The following POMT1 variants were observed in gnomAD, a reference collection of about 807,000 sequenced individuals.
POMT1 encodes protein O-mannosyl-transferase 1.
POMT1 carries 85 observed loss-of-function variants against 101.6 expected under a neutral mutation model. The ratio of observed to expected loss-of-function variants is 0.84; its 90% CI spans 0.70 to 1.00. The LOEUF (loss-of-function observed/expected upper bound fraction) is 1.00, where lower values mean the gene tolerates loss of function less well. POMT1 is among the 50% of genes least tolerant of loss of function. POMT1 has a pLI of 0.00. For missense variants in POMT1, 857 were observed against 930.4 expected, an observed-to-expected ratio of 0.92 and a Z score of 1.03; for synonymous variants, 371 against 383.0, an observed-to-expected ratio of 0.97 and a Z score of 0.37.
In POMT1 at chr9:131,518,901, C is replaced by T; in HGVS notation, c.1430C>T (p.Ser477Phe). ...CTGGAGATCGTCGGGGAGAAGCTGT[C>T]CCGGGGCTACCACGGGAGCACGGTG... The part of the protein sequence containing the change: ...RQLEIVGEKL[S>F]RGYHGSTVWN... Residue 477 changes from serine (S) to phenylalanine (F), a missense_variant, in exon 15 of 20, where the codon TCC becomes TTC. Coordinates refer to ENST00000402686, the MANE Select transcript of POMT1 (RefSeq NM_001077365.2). 1 of 1,613,864 alleles carries T rather than the reference C, an allele frequency of 6.2e-7. No homozygotes were observed. Among genetic ancestry groups the T allele is most frequent in the Non-Finnish European group, 8.5e-7 (1 of 1,180,042 alleles).
At position 131,504,247 on chromosome 9, in the gene POMT1, T is replaced by C. The variant is rs1945225899; in HGVS notation, c.29T>C (p.Val10Ala). ...TGGGGATTTTTGAAGCGCCCTGTAG[T>C]GGTGACGGCTGACATCAACTTGAGC... is the stretch of plus-strand genomic sequence containing the variant. MWGFLKRPV[V>A]VTADINLSLV... Residue 10 changes from valine (V) to alanine (A), a missense_variant, in exon 2 of 20, where the codon GTG becomes GCG. Coordinates refer to ENST00000402686, the MANE Select transcript of POMT1 (RefSeq NM_001077365.2). The C allele has an allele frequency of 6.2e-7, 1 of 1,613,988 alleles. No individual in the cohort carries two copies. The highest frequency in any genetic ancestry group is 8.5e-7 in the Non-Finnish European group (1 of 1,180,018).
At position 131,522,592 on chromosome 9, in the gene POMT1, G is replaced by A; in HGVS notation, c.2004-340G>A. The A allele has an allele frequency of 1.9e-6, 1 of 525,376 alleles. No homozygotes were observed. The highest frequency in any genetic ancestry group is 3.4e-6 in the Non-Finnish European group (1 of 290,460). 32.5% of individuals were successfully genotyped at this position (525,376 alleles called of 1,614,324 possible). A position where few individuals can be genotyped will look rare whatever the true frequency, so the allele number is the denominator to read the frequency against. ...GGTGTGGTGGAGAGAACCCAAGAAAGCTTCTAAACCAGAGTGTGTTTGGAG... is the reference window on the plus strand; with the variant it reads ...GGTGTGGTGGAGAGAACCCAAGAAAACTTCTAAACCAGAGTGTGTTTGGAG... On this transcript the variant is annotated intron_variant, in intron 19 of 19. Coordinates refer to ENST00000402686, the MANE Select transcript of POMT1 (RefSeq NM_001077365.2). This position sits in a 1 kb window ranked among gnomAD's most constrained non-coding sequence, Gnocchi z 5.5.
At chr9:131,506,677 A>G (rs1465310978) in intron 4 of POMT1, 1 of 579,990 alleles carries the variant, frequency 1.7e-6, no homozygotes, top group African/African-American at 1.9e-5. Flanking sequence ...TGCAGTCATT[A>G]TTTCAGCCCT....
intron 18 of POMT1, 70 bp downstream of exon 18, chr9:131,521,542 G>A: frequency 6.4e-7 from 1 of 1,554,316 alleles, no homozygotes; most frequent in Non-Finnish European, 8.9e-7. Context: ...GTTGTCCAGG[G>A]TGTTCTTGAA....
chr9:131,523,255 A>G lies in POMT1; in HGVS notation c.*149A>G, dbSNP rs544907569. On this transcript the variant is annotated 3_prime_UTR_variant, in exon 20 of 20. Transcript: ENST00000402686. ...CTCTAGTGGAACACATGGGGGTCTC[A>G]TTGAAAAGCTCTCTGATGAGCACCT... 114 of 925,194 alleles carry G rather than the reference A, an allele frequency of 1.2e-4. 1 individual carries two copies. The South Asian group carries it at 1.3e-3, about 11-fold the overall frequency. 57.3% of individuals were successfully genotyped at this position (925,194 alleles called of 1,614,324 possible).
rs1017019307 is a variant in POMT1, at chr9:131,508,814, C to T, written c.428-97C>T. 3.2e-5 allele frequency: 27 copies of T among 833,574 alleles called. No homozygotes were observed. In the South Asian group the frequency reaches 3.6e-4, roughly 11 times the overall value. 51.6% of individuals were successfully genotyped at this position (833,574 alleles called of 1,614,324 possible). A position where few individuals can be genotyped will look rare whatever the true frequency, so the allele number is the denominator to read the frequency against. ...TCACAACAGCCCCACACAGTTGTAT[C>T]GCTTCTGAAGTAATGCCTTTTTTCA... is the stretch of plus-strand genomic sequence containing the variant. On this transcript the variant is annotated intron_variant, in intron 5 of 19. Coordinates refer to ENST00000402686, the MANE Select transcript of POMT1 (RefSeq NM_001077365.2).
intron 11 of POMT1, 124 bp downstream of exon 11, chr9:131,512,260 C>G: frequency 6.6e-7 from 1 of 1,510,360 alleles, no homozygotes. Flanking sequence ...CCGTCATGGC[C>G]TTGAACACCA....
intron 13 of POMT1, chr9:131,517,103 AC>A (rs1400956125): frequency 1.3e-5 from 2 of 151,960 alleles, no homozygotes; most frequent in East Asian, 1.9e-4. Flanking sequence ...GTGAGGTCAC[AC>A]CCCCCCTTCT....
chr9:131,519,759 G>A lies in POMT1; in HGVS notation c.1584+273G>A, dbSNP rs1949537569. On this transcript the variant is annotated intron_variant, in intron 16 of 19. Transcript: ENST00000402686. The surrounding 1 kb of genome is among the most constrained non-coding windows in gnomAD (Gnocchi z 4.3). ...TTAAGGCCCCCAGGCAGCGAAATGGGCCACACTCAACAGAGCCCAAGAGAA... is the reference window on the plus strand; with the variant it reads ...TTAAGGCCCCCAGGCAGCGAAATGGACCACACTCAACAGAGCCCAAGAGAA... 6.6e-6 allele frequency among the ~76,000 whole-genome samples: 1 copy of A among 152,096 alleles called. No homozygotes were observed. The highest frequency in any genetic ancestry group is 1.5e-5 in the Non-Finnish European group (1 of 68,026).
Position 131,507,429 on chromosome 9 carries a change from G to C in POMT1, c.342G>C (p.Leu114Phe), listed in dbSNP as rs773517089. ...LRLLPALAGA[L>F]SVPMAYQIVL... is the part of the protein sequence containing the mutation. ...TGCTGCCAGCACTCGCGGGGGCCTTGTCGGTCCCCATGGCCTACCAGATAG... is the reference window on the plus strand; with the variant it reads ...TGCTGCCAGCACTCGCGGGGGCCTTCTCGGTCCCCATGGCCTACCAGATAG... The change falls in exon 5 of 20, where the codon TTG becomes TTC. Residue 114 changes from leucine to phenylalanine, a missense_variant. Physicochemically the swap from Leu to Phe is conservative, Grantham distance 22. Coordinates refer to ENST00000402686, the MANE Select transcript of POMT1 (RefSeq NM_001077365.2). 1 of 1,614,188 alleles carries C rather than the reference G, an allele frequency of 6.2e-7. No homozygotes were observed. Among genetic ancestry groups the C allele is most frequent in the South Asian group, 1.1e-5 (1 of 91,078 alleles).
chr9:131,511,586 G>A, intron 10 of POMT1, 119 bp downstream of exon 10: 1 of 1,399,958 alleles, frequency 7.1e-7, no homozygotes, highest in Non-Finnish European at 9.9e-7. Flanking sequence ...AAGAAGTTGA[G>A]CAGCCCGGGT....
chr9:131,506,764 T>C (rs1025245137), intron 4 of POMT1: 5 of 408,146 alleles, frequency 1.2e-5, no homozygotes, highest in African/African-American at 4.1e-5. Flanking sequence ...ATTGCCACAA[T>C]GTTTTTGAAA....
At position 131,519,626 on chromosome 9, in the gene POMT1, C is replaced by A; in HGVS notation, c.1584+140C>A. The A allele has an allele frequency of 1.2e-6, 1 of 846,910 alleles. No individual in the cohort carries two copies. The highest frequency in any genetic ancestry group is 1.9e-6 in the Non-Finnish European group (1 of 522,384). 52.5% of individuals were successfully genotyped at this position (846,910 alleles called of 1,614,324 possible). A position where few individuals can be genotyped will look rare whatever the true frequency, so the allele number is the denominator to read the frequency against. ...AGGCTCACAACAGAATGAGTGTCTC[C>A]TCTCTCCAGTGTAAGGGACTGTGTG... On this transcript the variant is annotated intron_variant, in intron 16 of 19. Transcript: ENST00000402686. The surrounding 1 kb of genome is among the most constrained non-coding windows in gnomAD (Gnocchi z 4.3).
intron 13 of POMT1, 38 bp downstream of exon 13, chr9:131,515,560 G>A: frequency 1.3e-6 from 2 of 1,580,244 alleles, no homozygotes; most frequent in Non-Finnish European, 1.7e-6. Flanking sequence ...ACAACCGTCA[G>A]TAATGAACAC....
At chr9:131,514,353 G>A (rs898622396) in intron 12 of POMT1, among the ~76,000 whole-genome samples, 7 of 152,192 alleles carry the variant, frequency 4.6e-5, no homozygotes, top group African/African-American at 1.7e-4. Context: ...AACCACCTGC[G>A]GGCCCCTTGG....
At chr9:131,521,505 T>C (rs772079662) in intron 18 of POMT1, 33 bp downstream of exon 18, 1 of 1,607,850 alleles carries the variant, frequency 6.2e-7, no homozygotes, top group Admixed American at 1.7e-5. Flanking sequence ...TTTCTTTCTT[T>C]TTAATATAGA....
At chr9:131,511,659 G>A in intron 10 of POMT1, 192 bp downstream of exon 10, 1 of 701,352 alleles carries the variant, frequency 1.4e-6, no homozygotes, top group Non-Finnish European at 2.4e-6. Context: ...GTGTGGCAGG[G>A]CCCAGGGTCG....
chr9:131,512,179 G>A lies in POMT1; in HGVS notation c.1082+43G>A, dbSNP rs1441163761. 3.1e-6 allele frequency: 5 copies of A among 1,602,806 alleles called. No individual in the cohort carries two copies. The East Asian group carries it at 6.7e-5, about 22-fold the overall frequency. ...GACTCCAGAGCAGAGCTCACCTCCT[G>A]GCCTGGCCAGGCGAGACCCTGGGAT... On this transcript the variant is annotated intron_variant, in intron 11 of 19. Transcript: ENST00000402686.
chr9:131,522,680 T>TG lies in POMT1; in HGVS notation c.2004-249dup, dbSNP rs1320625976. 8 of 590,080 alleles carry TG rather than the reference T, an allele frequency of 1.4e-5. No homozygotes were observed. The highest frequency in any genetic ancestry group is 2.4e-5 in the Non-Finnish European group (8 of 331,384). 36.6% of individuals were successfully genotyped at this position (590,080 alleles called of 1,614,324 possible). On this transcript the variant is annotated intron_variant, in intron 19 of 19. Transcript: ENST00000402686. This position sits in a 1 kb window ranked among gnomAD's most constrained non-coding sequence, Gnocchi z 5.5. ...GCCACACAAGGGAGGACCGTGGGTTTGGGACCAGTCCTCTGGCATCTGTGT... is the reference window on the plus strand; with the variant it reads ...GCCACACAAGGGAGGACCGTGGGTTTGGGGACCAGTCCTCTGGCATCTGTGT...
Sources: allele counts gnomAD v4.1 joint callset (sites outside exome capture counted in the v4.1 genomes callset), GRCh38; gene constraint gnomAD v4.1.1; non-coding constraint Gnocchi (gnomAD v3.1); transcripts MANE v1.5; gene names NCBI Gene and HGNC (gene_info 2026-07-23, HGNC 2026-07-21).